The following ADAMTS2 variants were observed in gnomAD, a reference collection of about 807,000 sequenced individuals.
ADAMTS2 encodes A disintegrin and metalloproteinase with thrombospondin motifs 2.
A neutral mutation model predicts 123.0 loss-of-function variants in ADAMTS2; 50 were observed. The ratio of observed to expected loss-of-function variants is 0.41; its 90% CI spans 0.32 to 0.51. The LOEUF is 0.51. Among genes scored for constraint, ADAMTS2 ranks in the 20% least tolerant of loss-of-function variants. The pLI, the probability that ADAMTS2 is intolerant of heterozygous loss-of-function variation, is 0.35. For missense variants in ADAMTS2, 1,494 were observed against 1,705.2 expected (o/e 0.88, Z 2.18); for synonymous variants, 678 against 695.4 (o/e 0.98, Z 0.39).
Position 179,130,181 on chromosome 5 carries a change from G to A in ADAMTS2, c.2291-83C>T, listed in dbSNP as rs2113200607. 2.6e-6 allele frequency: 4 copies of A among 1,561,762 alleles called. No homozygotes were observed. The highest frequency in any genetic ancestry group is 2.3e-5 in the East Asian group (1 of 44,394). On this transcript the variant is annotated intron_variant, in intron 15 of 21. Coordinates refer to ENST00000251582, the MANE Select transcript of ADAMTS2 (RefSeq NM_014244.5). The surrounding 1 kb of genome is among the most constrained non-coding windows in gnomAD (Gnocchi z 4.3). ...CACTGGTTTGGGCTGGTCGGGGAGT[G>A]GGGGCAGCTAGCTGGACCCCTTGTC... is the stretch of plus-strand genomic sequence containing the variant.
intron 4 of ADAMTS2, among the ~76,000 whole-genome samples, chr5:179,186,826 C>T (rs967052824): frequency 2.0e-5 from 3 of 150,904 alleles, no homozygotes; most frequent in Non-Finnish European, 3.0e-5. Flanking sequence ...AACGGTCCCC[C>T]TCGTGTCCTC....
chr5:179,163,697 G>C (rs1763642575), intron 5 of ADAMTS2, among the ~76,000 whole-genome samples: 1 of 152,148 alleles, frequency 6.6e-6, no homozygotes, highest in African/African-American at 2.4e-5. Context: ...GCCCGTCTTA[G>C]CAGCCAAAGT....
At chr5:179,282,755 G>A (rs1209294787) in intron 2 of ADAMTS2, among the ~76,000 whole-genome samples, 3 of 152,052 alleles carry the variant, frequency 2.0e-5, no homozygotes, top group Non-Finnish European at 4.4e-5. Flanking sequence ...AGGAAACATT[G>A]GCCTACAAAG....
At position 179,317,364 on chromosome 5, in the gene ADAMTS2, G is replaced by T. The variant is rs1250493349; in HGVS notation, c.534+26403C>A. On this transcript the variant is annotated intron_variant, in intron 2 of 21. Coordinates refer to ENST00000251582, the MANE Select transcript of ADAMTS2 (RefSeq NM_014244.5). This position sits in a 1 kb window ranked among gnomAD's most constrained non-coding sequence, Gnocchi z 4.9. ...CACACATCTCATCCAAGCCTGCTCG[G>T]ACGCTGCCCTTCTGACCCCGATTCC... Among the ~76,000 whole-genome samples the T allele has an allele frequency of 6.6e-6, 1 of 152,188 alleles. No individual in the cohort carries two copies. The highest frequency in any genetic ancestry group is 2.4e-5 in the African/African-American group (1 of 41,432).
rs1299576919 is a variant in ADAMTS2 at position 179,194,425 on chromosome 5, C to T, written c.891+13088G>A. Among the ~76,000 whole-genome samples, 6 of 152,234 alleles carry T rather than the reference C, an allele frequency of 3.9e-5. No homozygotes were observed. In the East Asian group the frequency reaches 5.8e-4, roughly 15 times the overall value. ...TGCACTAAGGGAGTGAGTGGGCAGG[C>T]GGGTGGGCCTCAGAACAGGAGGACA... On this transcript the variant is annotated intron_variant, in intron 4 of 21. Coordinates refer to ENST00000251582, the MANE Select transcript of ADAMTS2 (RefSeq NM_014244.5).
chr5:179,180,718 C>G lies in ADAMTS2; in HGVS notation c.975+354G>C, dbSNP rs984670597. Among the ~76,000 whole-genome samples, 11 of 152,144 alleles carry G rather than the reference C, an allele frequency of 7.2e-5. No individual in the cohort carries two copies. Among genetic ancestry groups the G allele is most frequent in the African/African-American group, 2.4e-4 (10 of 41,420 alleles). On this transcript the variant is annotated intron_variant, in intron 5 of 21. Transcript: ENST00000251582. This position sits in a 1 kb window ranked among gnomAD's most constrained non-coding sequence, Gnocchi z 4.6. ...ACCTTAAGCCAGCTCACCCTGTCCC[C>G]ATCGGTCCTTCCTGCAGAAACAACA...
rs1026757554 is a variant in ADAMTS2, at chr5:179,158,187, G to A, written c.1132+536C>T. Among the ~76,000 whole-genome samples the A allele has an allele frequency of 6.6e-6, 1 of 151,992 alleles. No individual in the cohort carries two copies. Among genetic ancestry groups the A allele is most frequent in the South Asian group, 2.1e-4 (1 of 4,810 alleles). On this transcript the variant is annotated intron_variant, in intron 6 of 21. Coordinates refer to ENST00000251582, the MANE Select transcript of ADAMTS2 (RefSeq NM_014244.5). This position sits in a 1 kb window ranked among gnomAD's most constrained non-coding sequence, Gnocchi z 5.0. ...TCACCATGTTAGCCAAGATGGTCTC[G>A]ATCTCCTGACCTCGTGATCTACCTG...
At position 179,225,518 on chromosome 5, in the gene ADAMTS2, C is replaced by T. The variant is rs918722724; in HGVS notation, c.689-17803G>A. ...TGTCCCCATCCTGTGCCTATAAAAA[C>T]CCGAGACCCTAACAGGCAGACACAG... On this transcript the variant is annotated intron_variant, in intron 3 of 21. Coordinates refer to ENST00000251582, the MANE Select transcript of ADAMTS2 (RefSeq NM_014244.5). This position sits in a 1 kb window ranked among gnomAD's most constrained non-coding sequence, Gnocchi z 4.5. Among the ~76,000 whole-genome samples the T allele has an allele frequency of 2.6e-5, 4 of 152,152 alleles. No homozygotes were observed. The highest frequency in any genetic ancestry group is 7.2e-5 in the African/African-American group (3 of 41,426).
At chr5:179,281,144 C>T (rs949984506) in intron 2 of ADAMTS2, among the ~76,000 whole-genome samples, 15 of 152,242 alleles carry the variant, frequency 9.9e-5, no homozygotes. Flanking sequence ...AGGCATAAGC[C>T]ATGGCGCCCG....
At position 179,301,155 on chromosome 5, in the gene ADAMTS2, A is replaced by G. The variant is rs1390954532; in HGVS notation, c.535-28091T>C. Among the ~76,000 whole-genome samples, 5 of 129,286 alleles carry G rather than the reference A, an allele frequency of 3.9e-5. No homozygotes were observed. In the East Asian group the frequency reaches 8.4e-4, roughly 22 times the overall value. 84.8% of individuals were successfully genotyped at this position (129,286 alleles called of 152,430 possible). On this transcript the variant is annotated intron_variant, in intron 2 of 21. Transcript: ENST00000251582. ...CTCTGCTCGCTCCTGTCCCCCAGGAAAAAAAAAAAAAAAAAGACAGCAGAG... is the reference window on the plus strand; with the variant it reads ...CTCTGCTCGCTCCTGTCCCCCAGGAGAAAAAAAAAAAAAAAGACAGCAGAG...
intron 3 of ADAMTS2, among the ~76,000 whole-genome samples, chr5:179,224,252 T>C (rs1765219268): frequency 6.6e-6 from 1 of 152,160 alleles, no homozygotes; most frequent in African/African-American, 2.4e-5. Context: ...CTCCTCTTTT[T>C]CTTGGGAGCT....
Position 179,112,333 on chromosome 5 carries a change from G to C in ADAMTS2, c.*1534C>G, listed in dbSNP as rs1256859040. The C allele has an allele frequency of 6.6e-6, 1 of 152,050 alleles. No homozygotes were observed. The highest frequency in any genetic ancestry group is 1.5e-5 in the Non-Finnish European group (1 of 68,016). The allele number at this position is 152,050 out of a possible 1,614,324, so 9.4% of individuals were successfully genotyped here. A position where few individuals can be genotyped will look rare whatever the true frequency, so the allele number is the denominator to read the frequency against. On this transcript the variant is annotated 3_prime_UTR_variant, in exon 22 of 22. Transcript: ENST00000251582. ...CATCTAAGGAGCTGACGTGCCCCTG[G>C]GTCTTGTAAGCCCAGAAAGTTTAAG...
chr5:179,188,081 C>G lies in ADAMTS2; in HGVS notation c.892-6926G>C, dbSNP rs1764216995. On this transcript the variant is annotated intron_variant, in intron 4 of 21. Transcript: ENST00000251582. This position sits in a 1 kb window ranked among gnomAD's most constrained non-coding sequence, Gnocchi z 5.1. ...CGGTGCAGGCTCCCTACTGGGGAGGCCTACTGGCCTGCCAGCCACAGAGGA... is the reference window on the plus strand; with the variant it reads ...CGGTGCAGGCTCCCTACTGGGGAGGGCTACTGGCCTGCCAGCCACAGAGGA... Among the ~76,000 whole-genome samples, 1 of 152,080 alleles carries G rather than the reference C, an allele frequency of 6.6e-6. No individual in the cohort carries two copies. The highest frequency in any genetic ancestry group is 2.1e-4 in the South Asian group (1 of 4,826).
At chr5:179,331,165 A>C (rs1270124209) in intron 2 of ADAMTS2, among the ~76,000 whole-genome samples, 1 of 150,372 alleles carries the variant, frequency 6.7e-6, no homozygotes, top group Non-Finnish European at 1.5e-5. Context: ...GCTGACGACG[A>C]AGGGCCCCCA....
chr5:179,242,998 C>T lies in ADAMTS2; in HGVS notation c.688+29913G>A, dbSNP rs532861997. ...CTGCTTGCTAGAAAAATATTCCATG[C>T]TAGGGGGAGGCAAACCAAGAAGATC... is the stretch of plus-strand genomic sequence containing the variant. On this transcript the variant is annotated intron_variant, in intron 3 of 21. Transcript: ENST00000251582. This position sits in a 1 kb window ranked among gnomAD's most constrained non-coding sequence, Gnocchi z 4.2. Among the ~76,000 whole-genome samples the T allele has an allele frequency of 6.2e-4, 94 of 152,164 alleles. No individual in the cohort carries two copies. Among genetic ancestry groups the T allele is most frequent in the Admixed American group, 1.6e-3 (24 of 15,286 alleles).
At chr5:179,328,771 A>C (rs964552384) in intron 2 of ADAMTS2, among the ~76,000 whole-genome samples, 2 of 152,226 alleles carry the variant, frequency 1.3e-5, no homozygotes, top group African/African-American at 4.8e-5. Flanking sequence ...TGACAATGGC[A>C]ATAACATTCT....
At chr5:179,184,033 T>G (rs1581173550) in intron 4 of ADAMTS2, among the ~76,000 whole-genome samples, 1 of 152,132 alleles carries the variant, frequency 6.6e-6, no homozygotes, top group East Asian at 1.9e-4. Context: ...TCTTCAGAAC[T>G]GTGGGAAATG....
At chr5:179,261,033 C>A (rs1341028091) in intron 3 of ADAMTS2, among the ~76,000 whole-genome samples, 1 of 152,084 alleles carries the variant, frequency 6.6e-6, no homozygotes, top group Non-Finnish European at 1.5e-5. Flanking sequence ...GACTCAGCTA[C>A]AGAAAAACAG....
chr5:179,301,259 T>C (rs1161077955), intron 2 of ADAMTS2, among the ~76,000 whole-genome samples: 2 of 152,146 alleles, frequency 1.3e-5, no homozygotes, highest in Non-Finnish European at 2.9e-5. Context: ...CAGCCGAAAC[T>C]TGAGATCTTT....
Sources: allele counts gnomAD v4.1 joint callset (sites outside exome capture counted in the v4.1 genomes callset), GRCh38; gene constraint gnomAD v4.1.1; non-coding constraint Gnocchi (gnomAD v3.1); transcripts MANE v1.5; gene names NCBI Gene and HGNC (gene_info 2026-07-23, HGNC 2026-07-21).